C8orf34: variants seen among roughly 807,000 people sequenced by gnomAD.
The protein encoded by C8orf34 is chromosome 8 open reading frame 34.
In C8orf34, 65 loss-of-function variants were observed where a neutral mutation model predicts 68.3. The ratio of observed to expected loss-of-function variants is 0.95; its 90% CI spans 0.78 to 1.17. The LOEUF is 1.17. C8orf34 is among the 50% of genes most tolerant of loss of function. The pLI is 0.00. For missense variants in C8orf34, 664 were observed against 655.4 expected (o/e 1.01, Z -0.14); for synonymous variants, 244 against 241.2 (o/e 1.01, Z -0.11).
At chr8:68,641,052 C>T (rs1818993462) in intron 8 of C8orf34, among the ~76,000 whole-genome samples, 1 of 152,212 alleles carries the variant, frequency 6.6e-6, no homozygotes, top group Non-Finnish European at 1.5e-5. Context: ...CAGTGCTGGT[C>T]TAGCAGAAAC....
chr8:68,790,287 G>A lies in C8orf34; in HGVS notation c.1549+2751G>A, dbSNP rs552735845. ...AATGACATAAATCTTTGTGAGCCCAGTATCTGATTTAGAATTTACAGGCTC... is the reference window on the plus strand; with the variant it reads ...AATGACATAAATCTTTGTGAGCCCAATATCTGATTTAGAATTTACAGGCTC... On this transcript the variant is annotated intron_variant, in intron 12 of 13. Transcript: ENST00000518698. 5.2e-4 allele frequency among the ~76,000 whole-genome samples: 79 copies of A among 152,320 alleles called. 1 individual carries two copies. Among genetic ancestry groups the A allele is most frequent in the African/African-American group, 1.9e-3 (78 of 41,576 alleles).
At chr8:68,709,159 C>G in intron 9 of C8orf34, 80 bp downstream of exon 9, 1 of 1,050,878 alleles carries the variant, frequency 9.5e-7, no homozygotes, top group Non-Finnish European at 1.4e-6. Context: ...AAAACTAAAC[C>G]AAACATCTTG....
At chr8:68,816,245 C>T (rs961415610) in intron 13 of C8orf34, among the ~76,000 whole-genome samples, 5 of 151,380 alleles carry the variant, frequency 3.3e-5, no homozygotes, top group Non-Finnish European at 5.9e-5. Context: ...ACCCTTTCTC[C>T]TTGACAGGAA....
intron 8 of C8orf34, among the ~76,000 whole-genome samples, chr8:68,702,781 G>C (rs1055598452): frequency 2.0e-5 from 3 of 152,048 alleles, no homozygotes; most frequent in African/African-American, 7.2e-5. Flanking sequence ...TCACCTTATT[G>C]GGTGTTTTGG....
chr8:68,741,610 C>A (rs1177423152), intron 10 of C8orf34, among the ~76,000 whole-genome samples: 1 of 152,120 alleles, frequency 6.6e-6, no homozygotes, highest in Non-Finnish European at 1.5e-5. Flanking sequence ...GTTCCCTCCA[C>A]CCCACCCCAT....
chr8:68,525,160 G>A (rs1814921723), intron 6 of C8orf34, among the ~76,000 whole-genome samples: 1 of 151,998 alleles, frequency 6.6e-6, no homozygotes, highest in Non-Finnish European at 1.5e-5. Context: ...CCTGGAAATG[G>A]TCCCCTTCCT....
At chr8:68,421,699 A>G (rs1388229727) in intron 1 of C8orf34, among the ~76,000 whole-genome samples, 1 of 152,226 alleles carries the variant, frequency 6.6e-6, no homozygotes, top group African/African-American at 2.4e-5. Context: ...CAAATAGGGC[A>G]CCAGCAGGAA....
At chr8:68,474,110 A>T (rs948398389) in intron 4 of C8orf34, among the ~76,000 whole-genome samples, 1 of 152,076 alleles carries the variant, frequency 6.6e-6, no homozygotes, top group Non-Finnish European at 1.5e-5. Flanking sequence ...CTCCTCATTT[A>T]TCACCCCTAC....
intron 7 of C8orf34, among the ~76,000 whole-genome samples, chr8:68,613,460 C>A (rs1382551937): frequency 7.7e-6 from 1 of 130,222 alleles, no homozygotes. Context: ...ACACAACAGT[C>A]CCCAGAGTGT....
At chr8:68,412,326 T>C (rs1240287985) in intron 1 of C8orf34, among the ~76,000 whole-genome samples, 2 of 152,200 alleles carry the variant, frequency 1.3e-5, no homozygotes, top group Non-Finnish European at 1.5e-5. Flanking sequence ...TTATAATTTT[T>C]TATTTTAGTA....
intron 10 of C8orf34, among the ~76,000 whole-genome samples, chr8:68,752,382 T>A (rs1480409181): frequency 6.6e-6 from 1 of 152,196 alleles, no homozygotes; most frequent in East Asian, 1.9e-4. Flanking sequence ...CCCTTTGACC[T>A]GGTTCTACTG....
chr8:68,738,912 G>C (rs1310820647), intron 10 of C8orf34, among the ~76,000 whole-genome samples: 1 of 151,732 alleles, frequency 6.6e-6, no homozygotes, highest in Non-Finnish European at 1.5e-5. Context: ...TAATGAGGAG[G>C]GGCTCCTCCC....
chr8:68,418,877 C>A (rs1452601001), intron 1 of C8orf34, among the ~76,000 whole-genome samples: 1 of 151,292 alleles, frequency 6.6e-6, no homozygotes, highest in African/African-American at 2.4e-5. Flanking sequence ...CCATAAAAAC[C>A]CTAGAAGAAA....
At position 68,571,416 on chromosome 8, in the gene C8orf34, T is replaced by C. The variant is rs77108892; in HGVS notation, c.1105+38267T>C. On this transcript the variant is annotated intron_variant, in intron 7 of 13. Coordinates refer to ENST00000518698, the MANE Select transcript of C8orf34 (RefSeq NM_052958.4). The stretch of plus-strand genomic sequence containing the variant: ...TCTTGCTCCAAAGTTGAAGATGACT[T>C]GGAGCAAGACAACTTCAGAGAGGAT... Among the ~76,000 whole-genome samples, 1,255 of 152,322 alleles carry C rather than the reference T, an allele frequency of 8.2e-3. 21 individuals carry two copies. Among genetic ancestry groups the C allele is most frequent in the African/African-American group, 0.028 (1,182 of 41,574 alleles).
intron 12 of C8orf34, among the ~76,000 whole-genome samples, chr8:68,805,439 T>C (rs1214275180): frequency 6.6e-6 from 1 of 152,254 alleles, no homozygotes; most frequent in African/African-American, 2.4e-5. Flanking sequence ...AAGAGCTGTG[T>C]GTCAACACCT....
chr8:68,392,795 T>C (rs1808527722), intron 1 of C8orf34, among the ~76,000 whole-genome samples: 1 of 152,148 alleles, frequency 6.6e-6, no homozygotes, highest in Non-Finnish European at 1.5e-5. Flanking sequence ...TATTTTCTTC[T>C]TTCATAGGTT....
chr8:68,719,303 T>C (rs865915384), intron 9 of C8orf34, among the ~76,000 whole-genome samples: 19 of 152,066 alleles, frequency 1.2e-4, no homozygotes, highest in African/African-American at 4.6e-4. Flanking sequence ...CTTATAGTTG[T>C]CCCTTCATCC....
chr8:68,457,369 A>G (rs1231619238), intron 3 of C8orf34, among the ~76,000 whole-genome samples: 1 of 152,198 alleles, frequency 6.6e-6, no homozygotes, highest in Non-Finnish European at 1.5e-5. Flanking sequence ...AGTTTTCAGT[A>G]TATTATAACT....
intron 10 of C8orf34, among the ~76,000 whole-genome samples, chr8:68,722,203 CCT>C (rs1403490095): frequency 1.3e-5 from 2 of 151,982 alleles, no homozygotes; most frequent in Non-Finnish European, 2.9e-5. Flanking sequence ...ATGTCTTCTC[CCT>C]GAGTCTTCAC....
Sources: allele counts gnomAD v4.1 joint callset (sites outside exome capture counted in the v4.1 genomes callset), GRCh38; gene constraint gnomAD v4.1.1; transcripts MANE v1.5; gene names NCBI Gene and HGNC (gene_info 2026-07-23, HGNC 2026-07-21).